ADGRV1: variants seen among roughly 807,000 people sequenced by gnomAD.
ADGRV1 encodes the protein G-protein coupled receptor 98.
A neutral mutation model predicts 596.2 loss-of-function variants in ADGRV1; 359 were observed. The observed-to-expected ratio is 0.60, with a 90% CI of 0.55 to 0.66. The LOEUF is 0.66. ADGRV1 is among the 30% of genes least tolerant of loss of function. ADGRV1 has a pLI of 0.00. For synonymous variants in ADGRV1, 2,681 were observed against 2,679.2 expected (o/e 1.00, Z -0.02); for missense variants, 7,274 against 7,575.6 (o/e 0.96, Z 1.48).
chr5:90,935,580 G>A (rs996987320), intron 83 of ADGRV1, among the ~76,000 whole-genome samples: 19 of 152,198 alleles, frequency 1.2e-4, no homozygotes, highest in Non-Finnish European at 2.4e-4. Flanking sequence ...AAAAAAACCT[G>A]TAAAAAATGT....
chr5:90,607,645 G>C (rs1762267882), intron 1 of ADGRV1, among the ~76,000 whole-genome samples: 1 of 152,136 alleles, frequency 6.6e-6, no homozygotes, highest in African/African-American at 2.4e-5. Flanking sequence ...ATCAATGTAA[G>C]AGTAAAGTTT....
At chr5:90,759,794 G>T (rs953096428) in intron 58 of ADGRV1, 3 of 508,804 alleles carry the variant, frequency 5.9e-6, no homozygotes, top group Non-Finnish European at 1.1e-5. Context: ...TTGAATTCCC[G>T]TCTCTACTGA....
intron 83 of ADGRV1, among the ~76,000 whole-genome samples, chr5:90,924,474 G>T (rs1199430083): frequency 1.3e-5 from 2 of 151,270 alleles, no homozygotes; most frequent in Non-Finnish European, 2.9e-5. Flanking sequence ...TTTTTGAGGG[G>T]GTTGTTTTTT....
chr5:90,875,858 A>G (rs1769172187), intron 83 of ADGRV1, among the ~76,000 whole-genome samples: 1 of 152,240 alleles, frequency 6.6e-6, no homozygotes, highest in Non-Finnish European at 1.5e-5. Context: ...ATACTCCAAG[A>G]TAGATAATAA....
intron 50 of ADGRV1, among the ~76,000 whole-genome samples, chr5:90,736,899 T>TA (rs1561629560): frequency 3.0e-4 from 46 of 151,744 alleles, no homozygotes; most frequent in African/African-American, 1.1e-3. Context: ...ACTTTTTCTT[T>TA]TAAAAAAAAA....
Position 90,629,681 on chromosome 5 carries a change from G to A in ADGRV1, c.1839+142G>A, listed in dbSNP as rs193075447. The A allele has an allele frequency of 4.7e-5, 29 of 616,126 alleles. 1 individual carries two copies. In the East Asian group the frequency reaches 5.0e-4, roughly 11 times the overall value. 38.2% of individuals were successfully genotyped at this position (616,126 alleles called of 1,614,324 possible). A position where few individuals can be genotyped will look rare whatever the true frequency, so the allele number is the denominator to read the frequency against. ...GTTACTAAAAGTTGTTTAGGTAGTC[G>A]GAAGAGAGATTATGCCTGCTCCTAA... On this transcript the variant is annotated intron_variant, in intron 9 of 89. Transcript: ENST00000405460.
chr5:91,036,548 C>T (rs1435722343), intron 85 of ADGRV1, among the ~76,000 whole-genome samples: 2 of 147,002 alleles, frequency 1.4e-5, no homozygotes, highest in Non-Finnish European at 3.0e-5. Flanking sequence ...GGCGACAAAG[C>T]GAGACTCCGT....
intron 1 of ADGRV1, among the ~76,000 whole-genome samples, chr5:90,570,508 A>G (rs1756380731): frequency 6.6e-6 from 1 of 151,562 alleles, no homozygotes; most frequent in South Asian, 2.1e-4. Context: ...CTTCAGCCAT[A>G]TTTCTTTAAC....
chr5:90,950,272 G>A (rs369790620), intron 83 of ADGRV1, among the ~76,000 whole-genome samples: 3 of 152,186 alleles, frequency 2.0e-5, no homozygotes, highest in African/African-American at 7.2e-5. Context: ...AAGTATTCCA[G>A]GTGAGAAATA....
chr5:90,617,589 T>G, intron 2 of ADGRV1: 1 of 408,400 alleles, frequency 2.4e-6, no homozygotes, highest in Non-Finnish European at 4.5e-6. Flanking sequence ...ATTACAGTAG[T>G]GAGCCACTGC....
chr5:90,579,938 C>T (rs541365656), intron 1 of ADGRV1, among the ~76,000 whole-genome samples: 4 of 150,770 alleles, frequency 2.7e-5, no homozygotes, highest in Non-Finnish European at 4.4e-5. Context: ...GCAACCCCTG[C>T]TTTTTTTTTG....
At chr5:90,721,536 TAAAA>T (rs1750981009) in intron 45 of ADGRV1, among the ~76,000 whole-genome samples, 2 of 12,624 alleles carry the variant, frequency 1.6e-4, no homozygotes, top group African/African-American at 1.0e-3. Context: ...AAAATAAAAA[TAAAA>T]TAAAATAAAA....
chr5:90,989,143 T>C (rs1010799706), intron 85 of ADGRV1, among the ~76,000 whole-genome samples: 3 of 152,072 alleles, frequency 2.0e-5, no homozygotes, highest in African/African-American at 7.3e-5. Flanking sequence ...TATAATCCTT[T>C]GGGTATATAC....
rs935401118 is a variant in ADGRV1, at chr5:90,639,294, A to C, written c.2240+1346A>C. ...GCATTCAGTGGACAATCTTGAAAAC[A>C]ACTAAAGAAACAGAAACAGTGATGA... On this transcript the variant is annotated intron_variant, in intron 11 of 89. Transcript: ENST00000405460. 2.0e-5 allele frequency among the ~76,000 whole-genome samples: 3 copies of C among 152,286 alleles called. No individual in the cohort carries two copies. The South Asian group carries it at 6.2e-4, about 32-fold the overall frequency.
chr5:90,660,929 A>T (rs1443111110), intron 21 of ADGRV1, among the ~76,000 whole-genome samples: 2 of 152,166 alleles, frequency 1.3e-5, no homozygotes, highest in Non-Finnish European at 2.9e-5. Flanking sequence ...TTTTCTACCA[A>T]CCAGGTACAC....
intron 82 of ADGRV1, among the ~76,000 whole-genome samples, chr5:90,857,764 G>A (rs1371229957): frequency 6.6e-6 from 1 of 151,976 alleles, no homozygotes; most frequent in Admixed American, 6.6e-5. Context: ...TGGATCCCCA[G>A]GAACCAGAAA....
Position 90,840,828 on chromosome 5 carries a change from C to T in ADGRV1, c.16862C>T (p.Ser5621Leu). The change falls in exon 78 of 90, where the codon TCA becomes TTA. Residue 5621 changes from serine (S) to leucine (L), a missense_variant. Physicochemically the swap from Ser to Leu is moderately radical, Grantham distance 145. Around this residue, in one of 5 missense-constraint regions of ADGRV1, gnomAD observed 1,874 missense variants for 1,970.2 expected, o/e 0.95. Coordinates refer to ENST00000405460, the MANE Select transcript of ADGRV1 (RefSeq NM_032119.4). ...GGGACTGCCAACATCACTCTTGTCT[C>T]AGATGCAGATTCGCAGGCCATTTGG... ...VYGTANITLV[S>L]DADSQAIWGL... 6.2e-7 allele frequency: 1 copy of T among 1,613,716 alleles called. No homozygotes were observed. The highest frequency in any genetic ancestry group is 8.5e-7 in the Non-Finnish European group (1 of 1,179,680).
At chr5:91,154,994 TG>T (rs1438384899) in intron 89 of ADGRV1, among the ~76,000 whole-genome samples, 1 of 152,094 alleles carries the variant, frequency 6.6e-6, no homozygotes, top group African/African-American at 2.4e-5. Flanking sequence ...AGATTTTGGG[TG>T]GGGACACAGC....
intron 68 of ADGRV1, 116 bp downstream of exon 68, chr5:90,788,426 A>G (rs975540741): frequency 7.2e-6 from 7 of 976,004 alleles, no homozygotes; most frequent in Non-Finnish European, 1.0e-5. Context: ...ATAAAACCAA[A>G]TAATATCATA....
Sources: gnomAD v4.1 joint callset for allele counts (sites outside exome capture counted in the v4.1 genomes callset) on GRCh38, gnomAD v4.1.1 for gene constraint, gnomAD v4.1.1 regional missense constraint, MANE v1.5 for transcripts, NCBI Gene and HGNC (gene_info 2026-07-23, HGNC 2026-07-21) for gene names.